SORCS3: variants seen among roughly 807,000 people sequenced by gnomAD.
The protein encoded by SORCS3 is VPS10 domain-containing receptor SorCS3.
Under a neutral mutation model 146.3 loss-of-function variants are expected in SORCS3, and 57 were observed. The ratio of observed to expected loss-of-function variants is 0.39; its 90% CI spans 0.31 to 0.49. SORCS3 has a LOEUF of 0.49. Ranked by LOEUF, SORCS3 falls within the 20% of genes least tolerant of loss-of-function variation. The pLI, the probability that SORCS3 is intolerant of heterozygous loss-of-function variation, is 0.92. For synonymous variants in SORCS3, 653 were observed against 618.5 expected, an observed-to-expected ratio of 1.06 and a Z score of -0.83; for missense variants, 1,341 against 1,575.5, an observed-to-expected ratio of 0.85 and a Z score of 2.52.
chr10:105,258,793 C>G (rs1007160259), intron 25 of SORCS3, among the ~76,000 whole-genome samples: 1 of 152,122 alleles, frequency 6.6e-6, no homozygotes, highest in Non-Finnish European at 1.5e-5. Context: ...ATCAGCCCAC[C>G]TTTTCTGTGT....
At chr10:104,952,055 T>C (rs904927941) in intron 3 of SORCS3, among the ~76,000 whole-genome samples, 6 of 151,118 alleles carry the variant, frequency 4.0e-5, no homozygotes, top group Non-Finnish European at 8.8e-5. Context: ...GTTCCCCCGA[T>C]TCCAAATCTA....
intron 20 of SORCS3, among the ~76,000 whole-genome samples, chr10:105,234,359 A>C (rs1589701483): frequency 6.6e-6 from 1 of 151,870 alleles, no homozygotes; most frequent in Non-Finnish European, 1.5e-5. Flanking sequence ...ATCTAGGTGT[A>C]GATTTTTCAG....
chr10:104,776,970 G>A (rs909281796), intron 1 of SORCS3, among the ~76,000 whole-genome samples: 2 of 151,426 alleles, frequency 1.3e-5, no homozygotes, highest in African/African-American at 4.9e-5. Flanking sequence ...GGTACATAAG[G>A]GGGAGATACA....
At chr10:104,931,439 A>G (rs1000532659) in intron 3 of SORCS3, among the ~76,000 whole-genome samples, 4 of 152,162 alleles carry the variant, frequency 2.6e-5, no homozygotes, top group Non-Finnish European at 5.9e-5. Flanking sequence ...AAATCGTGTG[A>G]CTCTGGTGGA....
chr10:105,104,256 T>C (rs1589634515), intron 6 of SORCS3, among the ~76,000 whole-genome samples: 1 of 152,372 alleles, frequency 6.6e-6, no homozygotes, highest in East Asian at 1.9e-4. Flanking sequence ...CTTAAAGTGA[T>C]TTCTACTTTC....
intron 4 of SORCS3, among the ~76,000 whole-genome samples, chr10:104,978,917 T>G (rs7914674): frequency 3.7e-4 from 57 of 152,014 alleles, no homozygotes; most frequent in Non-Finnish European, 6.6e-4. Flanking sequence ...TCTCTCCTGG[T>G]TCACTGTTAT....
At chr10:104,809,082 G>C (rs2017712240) in intron 1 of SORCS3, among the ~76,000 whole-genome samples, 1 of 152,224 alleles carries the variant, frequency 6.6e-6, no homozygotes, top group South Asian at 2.1e-4. Flanking sequence ...GAACAGTAGA[G>C]GTTTTGGGAG....
chr10:104,857,435 A>G (rs986393440), intron 2 of SORCS3, among the ~76,000 whole-genome samples: 2 of 152,138 alleles, frequency 1.3e-5, no homozygotes, highest in Non-Finnish European at 2.9e-5. Flanking sequence ...AGTTTGCACA[A>G]TGTTATGATG....
intron 1 of SORCS3, among the ~76,000 whole-genome samples, chr10:104,654,111 A>G (rs1180010944): frequency 1.3e-5 from 2 of 152,084 alleles, no homozygotes; most frequent in Non-Finnish European, 2.9e-5. Context: ...ACTTCCATCC[A>G]TGTTTTTGCA....
rs1226696105 is a variant in SORCS3, at chr10:105,187,402, G to A, written c.2009+9229G>A. On this transcript the variant is annotated intron_variant, in intron 14 of 26. Transcript: ENST00000369701. Reference sequence around the variant, plus strand: ...CAGTGCAATTCGCCCTGTAGCCACTGACCTCCTTTACCACTAATCCCATCT... The same window carrying A: ...CAGTGCAATTCGCCCTGTAGCCACTAACCTCCTTTACCACTAATCCCATCT... Among the ~76,000 whole-genome samples, 4 of 152,056 alleles carry A rather than the reference G, an allele frequency of 2.6e-5. No individual in the cohort carries two copies. In the East Asian group the frequency reaches 5.8e-4, roughly 22 times the overall value.
At chr10:105,214,274 C>G (rs1304852127) in intron 17 of SORCS3, among the ~76,000 whole-genome samples, 168 bp from the exon 18 acceptor site, 2 of 152,132 alleles carry the variant, frequency 1.3e-5, no homozygotes, top group Non-Finnish European at 2.9e-5. Context: ...ATTTGTTCAG[C>G]TTCGTAAATG....
At chr10:105,237,901 G>A (rs2056802152) in intron 20 of SORCS3, among the ~76,000 whole-genome samples, 1 of 152,172 alleles carries the variant, frequency 6.6e-6, no homozygotes, top group African/African-American at 2.4e-5. Context: ...GTGTTGGTGT[G>A]ACTAGGTTAC....
chr10:105,034,327 A>G (rs2055291302), intron 4 of SORCS3, among the ~76,000 whole-genome samples: 1 of 152,154 alleles, frequency 6.6e-6, no homozygotes, highest in South Asian at 2.1e-4. Flanking sequence ...AGGGAGTAGC[A>G]TGTGCAAAAG....
chr10:104,641,911 C>G lies in SORCS3; in HGVS notation c.584C>G (p.Ala195Gly). Residue 195 changes from alanine to glycine, a missense_variant, in exon 1 of 27, where the codon GCC (alanine) becomes GGC (glycine). Physicochemically the swap from Ala to Gly is moderately conservative, Grantham distance 60. Coordinates refer to ENST00000369701, the MANE Select transcript of SORCS3 (RefSeq NM_014978.3). The surrounding 1 kb of genome is among the most constrained non-coding windows in gnomAD (Gnocchi z 6.4). ...STSFALTGDSAHNQAMVHWSG... is the reference protein window; with the variant it reads ...STSFALTGDSGHNQAMVHWSG... The stretch of plus-strand genomic sequence containing the variant: ...TCCTTCGCGCTGACCGGGGACTCGG[C>G]CCACAACCAAGCCATGGTGCACTGG... 6 of 1,598,596 alleles carry G rather than the reference C, an allele frequency of 3.8e-6. No homozygotes were observed. Among genetic ancestry groups the G allele is most frequent in the Non-Finnish European group, 5.1e-6 (6 of 1,178,070 alleles).
At chr10:104,911,346 G>A (rs1484181102) in intron 2 of SORCS3, among the ~76,000 whole-genome samples, 2 of 152,242 alleles carry the variant, frequency 1.3e-5, no homozygotes, top group South Asian at 2.1e-4. Context: ...AGGCATGGAG[G>A]AGACTGAGAC....
intron 1 of SORCS3, among the ~76,000 whole-genome samples, chr10:104,700,564 T>G (rs1027450233): frequency 3.3e-5 from 5 of 152,190 alleles, no homozygotes; most frequent in African/African-American, 4.8e-5. Context: ...ACTGGTCAGC[T>G]TGAGGAGGCA....
intron 1 of SORCS3, among the ~76,000 whole-genome samples, chr10:104,832,579 A>G (rs2018013081): frequency 6.6e-6 from 1 of 152,166 alleles, no homozygotes; most frequent in South Asian, 2.1e-4. Flanking sequence ...TTACCCAGGC[A>G]TGGTGACACG....
At chr10:105,091,172 T>TCCTCCTTCCTTCATC (rs2055699970) in intron 6 of SORCS3, among the ~76,000 whole-genome samples, 1 of 123,798 alleles carries the variant, frequency 8.1e-6, no homozygotes, top group African/African-American at 3.0e-5. Flanking sequence ...TCCCTTCCTT[T>TCCTCCTTCCTTCATC]CCTCCTTCCT....
At chr10:105,007,357 G>A (rs1025067404) in intron 4 of SORCS3, among the ~76,000 whole-genome samples, 10 of 152,076 alleles carry the variant, frequency 6.6e-5, no homozygotes, top group Non-Finnish European at 1.0e-4. Flanking sequence ...CCAGGCAGTG[G>A]TATTAATATG....
Sources: allele counts gnomAD v4.1 joint callset (sites outside exome capture counted in the v4.1 genomes callset), GRCh38; gene constraint gnomAD v4.1.1; non-coding constraint Gnocchi (gnomAD v3.1); transcripts MANE v1.5; gene names NCBI Gene and HGNC (gene_info 2026-07-23, HGNC 2026-07-21).